The following KIF14 variants were observed in gnomAD, a reference collection of about 807,000 sequenced individuals.
The protein encoded by KIF14 is kinesin family member 14.
In KIF14, 98 loss-of-function variants were observed where a neutral mutation model predicts 176.2. The ratio of observed to expected loss-of-function variants is 0.56; its 90% CI spans 0.47 to 0.66. The LOEUF (loss-of-function observed/expected upper bound fraction) is 0.66. KIF14 is among the 30% of genes least tolerant of loss of function. The pLI, the probability that KIF14 is intolerant of heterozygous loss-of-function variation, is 0.00. For missense variants in KIF14, 1,751 were observed against 1,920.4 expected (o/e 0.91, Z 1.65); for synonymous variants, 566 against 632.2 (o/e 0.90, Z 1.57).
chr1:200,555,553 G>A, intron 27 of KIF14, 99 bp from the exon 28 acceptor site: 1 of 547,536 alleles, frequency 1.8e-6, no homozygotes, highest in Non-Finnish European at 3.0e-6. Flanking sequence ...TTCTAGTCTA[G>A]AAGCCCAAAG....
chr1:200,597,844 A>T (rs777772459), intron 14 of KIF14, among the ~76,000 whole-genome samples: 7 of 152,244 alleles, frequency 4.6e-5, no homozygotes, highest in Admixed American at 1.3e-4. Flanking sequence ...TATCATTCCA[A>T]CAATATATAC....
intron 14 of KIF14, 89 bp downstream of exon 14, chr1:200,598,148 G>T: frequency 9.1e-7 from 1 of 1,103,974 alleles, no homozygotes; most frequent in Non-Finnish European, 1.3e-6. Flanking sequence ...CAAACGATCA[G>T]TATCAACGAA....
At chr1:200,575,481 G>A (rs1049284616) in intron 22 of KIF14, 110 bp downstream of exon 22, 7 of 477,640 alleles carry the variant, frequency 1.5e-5, no homozygotes, top group Non-Finnish European at 2.5e-5. Context: ...TCATGACAAC[G>A]GTTCTTTTAA....
chr1:200,562,483 G>A (rs1403761392), intron 25 of KIF14, among the ~76,000 whole-genome samples: 2 of 152,194 alleles, frequency 1.3e-5, no homozygotes, highest in Non-Finnish European at 2.9e-5. Context: ...GCCCAAGGAC[G>A]CACAACTAAT....
rs1398281858 is a variant in KIF14, at chr1:200,559,350, TAA to T, written c.4331_4332del (p.Phe1444Ter). ...CTTACCTCATTTTTTGTACACTGCC[TAA>T]AGAGTTCATGCTGAAGTTCTTTTGC... ...EKAKELQHEL[F>X]RQCTKNEVTK... On this transcript the variant is annotated frameshift_variant, in exon 27 of 30. Transcript: ENST00000367350. LOFTEE classifies it high-confidence loss of function. 1.9e-6 allele frequency: 3 copies of T among 1,587,692 alleles called. No individual in the cohort carries two copies.
In KIF14 at chr1:200,576,802, G is replaced by C. The variant is rs112141618; in HGVS notation, c.3466-1111C>G. Among the ~76,000 whole-genome samples, 501 of 152,074 alleles carry C rather than the reference G, an allele frequency of 3.3e-3. 5 individuals are homozygous for C. The highest frequency in any genetic ancestry group is 0.012 in the African/African-American group (481 of 41,456). On this transcript the variant is annotated intron_variant, in intron 21 of 29. Transcript: ENST00000367350. ...ATGACATAAACCCTACTTCTTCATG[G>C]TGTAAGAATTCTCTTTTTTTCTTTT...
intron 19 of KIF14, among the ~76,000 whole-genome samples, chr1:200,584,790 A>G (rs996829739): frequency 5.9e-5 from 9 of 152,224 alleles, no homozygotes; most frequent in African/African-American, 2.2e-4. Context: ...GATCAGGCAC[A>G]TGACAAGGAT....
In KIF14 at chr1:200,573,427, CTTTTTTTTTTTTTTTT is replaced by C. The variant is rs869174532; in HGVS notation, c.3566+2148_3566+2163del. On this transcript the variant is annotated intron_variant, in intron 22 of 29. Transcript: ENST00000367350. The stretch of plus-strand genomic sequence containing the variant: ...TTCCCTACACTCAAGGAGCTCATTT[CTTTTTTTTTTTTTTTT>C]TTTTTTTTGAGACGGAGTCCCGCTG... Among the ~76,000 whole-genome samples the C allele has an allele frequency of 6.4e-5, 5 of 77,762 alleles. 1 individual carries two copies. The allele number at this position is 77,762 out of a possible 152,430, so 51.0% of individuals were successfully genotyped here. A position where few individuals can be genotyped will look rare whatever the true frequency, so the allele number is the denominator to read the frequency against.
chr1:200,608,874 C>G lies in KIF14; in HGVS notation c.1510G>C (p.Asp504His). Residue 504 changes from aspartate (D) to histidine (H), a missense_variant, in exon 5 of 30, where the codon GAC (aspartate) becomes CAC (histidine). Coordinates refer to ENST00000367350, the MANE Select transcript of KIF14 (RefSeq NM_014875.3). ...TTTTCATCTTTACAAACCAGAAGGT[C>G]GTGAATTTTTTCATTATATACTTCA... Reference protein sequence around the residue: ...FFEVYNEKIHDLLVCKDENGQ... With the variant: ...FFEVYNEKIHHLLVCKDENGQ... 6.2e-7 allele frequency: 1 copy of G among 1,610,778 alleles called. No individual in the cohort carries two copies. The highest frequency in any genetic ancestry group is 8.5e-7 in the Non-Finnish European group (1 of 1,177,378).
intron 14 of KIF14, 74 bp downstream of exon 14, chr1:200,598,163 C>T (rs760719007): frequency 1.2e-5 from 15 of 1,278,426 alleles, no homozygotes; most frequent in African/African-American, 6.0e-5. Flanking sequence ...AACGAATATG[C>T]CATATGAAGG....
At chr1:200,559,959 T>C (rs974124667) in intron 26 of KIF14, among the ~76,000 whole-genome samples, 5 of 152,176 alleles carry the variant, frequency 3.3e-5, no homozygotes, top group African/African-American at 1.2e-4. Context: ...TTCGCCATGT[T>C]GGCCAAGCTG....
At chr1:200,576,346 C>T (rs1230932368) in intron 21 of KIF14, among the ~76,000 whole-genome samples, 3 of 150,752 alleles carry the variant, frequency 2.0e-5, no homozygotes, top group Admixed American at 1.3e-4. Flanking sequence ...GGCGTGGTAG[C>T]GGGCGCCTGT....
intron 23 of KIF14, among the ~76,000 whole-genome samples, chr1:200,568,921 A>ATTTTT (rs144531910): frequency 1.9e-5 from 2 of 106,690 alleles, no homozygotes; most frequent in African/African-American, 7.9e-5. Context: ...GCAGGTAGTA[A>ATTTTT]TTTTTTTTTT....
At chr1:200,603,793 C>A (rs1356515439) in intron 9 of KIF14, 46 bp downstream of exon 9, 2 of 1,160,332 alleles carry the variant, frequency 1.7e-6, no homozygotes, top group Non-Finnish European at 2.6e-6. Flanking sequence ...AAAATAATGA[C>A]CTCAGGAATA....
At position 200,593,175 on chromosome 1, in the gene KIF14, T is replaced by C. The variant is rs148711970; in HGVS notation, c.2652+492A>G. On this transcript the variant is annotated intron_variant, in intron 15 of 29. Transcript: ENST00000367350. ...TTTGCAGATACTATTCTAAGAACTATATACACAAATTATTATTTCAGTTAA... is the reference window on the plus strand; with the variant it reads ...TTTGCAGATACTATTCTAAGAACTACATACACAAATTATTATTTCAGTTAA... 4.1e-3 allele frequency among the ~76,000 whole-genome samples: 631 copies of C among 152,338 alleles called. 2 individuals are homozygous for C. The highest frequency in any genetic ancestry group is 6.0e-3 in the Non-Finnish European group (406 of 68,038).
intron 22 of KIF14, among the ~76,000 whole-genome samples, chr1:200,574,325 T>C (rs949225995): frequency 1.3e-5 from 2 of 152,158 alleles, no homozygotes; most frequent in African/African-American, 4.8e-5. Flanking sequence ...AAATGCTCCA[T>C]CTCAGGCAAC....
At chr1:200,567,114 T>A (rs982416412) in intron 23 of KIF14, among the ~76,000 whole-genome samples, 8 of 149,894 alleles carry the variant, frequency 5.3e-5, no homozygotes, top group African/African-American at 7.4e-5. Context: ...GAGGTTGCAG[T>A]GAGCCGAGAT....
chr1:200,554,164 G>T (rs1558039865), intron 29 of KIF14, among the ~76,000 whole-genome samples: 1 of 152,172 alleles, frequency 6.6e-6, no homozygotes, highest in Non-Finnish European at 1.5e-5. Context: ...GCCAAGGTGG[G>T]TGAATTGTTT....
At chr1:200,559,649 G>A (rs1308254143) in intron 26 of KIF14, among the ~76,000 whole-genome samples, 197 bp from the exon 27 acceptor site, 1 of 151,630 alleles carries the variant, frequency 6.6e-6, no homozygotes, top group Non-Finnish European at 1.5e-5. Context: ...GGTCTGTAAA[G>A]AAATAAAATT....
Sources: gnomAD v4.1 joint callset for allele counts (sites outside exome capture counted in the v4.1 genomes callset) on GRCh38, gnomAD v4.1.1 for gene constraint, MANE v1.5 for transcripts, NCBI Gene and HGNC (gene_info 2026-07-23, HGNC 2026-07-21) for gene names.